Variants in TAF7L observed in about 807,000 individuals in gnomAD.
The protein encoded by TAF7L is TATA-box binding protein associated factor 7 like.
In TAF7L, 6 loss-of-function variants were observed where a neutral mutation model predicts 30.2. The observed-to-expected ratio is 0.20, with a 90% CI of 0.11 to 0.39. The LOEUF (loss-of-function observed/expected upper bound fraction) is 0.39, where lower values mean the gene tolerates loss of function less well. TAF7L is among the 10% of genes least tolerant of loss of function. The pLI, the probability that TAF7L is intolerant of heterozygous loss-of-function variation, is 1.00. For synonymous variants in TAF7L, 93 were observed against 94.5 expected (o/e 0.98, Z 0.09); for missense variants, 284 against 277.1 (o/e 1.03, Z -0.18).
At chrX:101,288,144 CTT>C (rs367794112) in intron 1 of TAF7L, among the ~76,000 whole-genome samples, 5 of 99,712 alleles carry the variant, frequency 5.0e-5, no homozygotes, top group African/African-American at 3.6e-5. Context: ...GAGTCCAGTT[CTT>C]TTTTTTTTTT....
rs192980404 is a variant in TAF7L, at chrX:101,276,011, G to T, written c.1015C>A (p.Leu339Met). Residue 339 changes from leucine (L) to methionine (M), a missense_variant, in exon 11 of 13, where the codon CTG (leucine) becomes ATG (methionine). By Grantham distance (15) the Leu-to-Met change is conservative. Coordinates refer to ENST00000356784, the MANE Select transcript of TAF7L (RefSeq NM_001168474.2). Reference sequence around the variant, plus strand: ...AGCCAAGAATTTACCTTGAGTGTCAGGTTTTCCACTTTCATGATGAGATCC... The same window carrying T: ...AGCCAAGAATTTACCTTGAGTGTCATGTTTTCCACTTTCATGATGAGATCC... ...QKDLIMKVEN[L>M]TLKNHFQSVL... 1 of 1,187,258 alleles carries T rather than the reference G, an allele frequency of 8.4e-7. No homozygotes were observed. Among genetic ancestry groups the T allele is most frequent in the East Asian group, 3.0e-5 (1 of 33,580 alleles).
At chrX:101,271,402 C>G (rs1236185726) in intron 12 of TAF7L, among the ~76,000 whole-genome samples, 1 of 112,020 alleles carries the variant, frequency 8.9e-6, no homozygotes, top group Non-Finnish European at 1.9e-5. Context: ...GTCTATCGTT[C>G]CTAGGTTACA....
intron 12 of TAF7L, among the ~76,000 whole-genome samples, chrX:101,270,533 AG>A (rs1309922832): frequency 9.0e-6 from 1 of 111,219 alleles, no homozygotes; most frequent in Non-Finnish European, 1.9e-5. Context: ...TAACTCAACT[AG>A]CCCCACAGCT....
chrX:101,278,782 T>C (rs779828419), intron 7 of TAF7L, among the ~76,000 whole-genome samples: 1 of 111,688 alleles, frequency 9.0e-6, no homozygotes, highest in South Asian at 3.7e-4. Context: ...ACTGGCCAAA[T>C]TGTATCTTTT....
intron 12 of TAF7L, among the ~76,000 whole-genome samples, chrX:101,269,973 A>C (rs1985293083): frequency 9.0e-6 from 1 of 111,489 alleles, no homozygotes; most frequent in African/African-American, 3.3e-5. Context: ...AACAGTTGGG[A>C]CACTCTCTTG....
chrX:101,283,734 G>T, intron 3 of TAF7L, 151 bp from the exon 4 acceptor site: 1 of 573,874 alleles, frequency 1.7e-6, no homozygotes, highest in Non-Finnish European at 2.6e-6. Context: ...ACAATTAATA[G>T]CTTCCTAAAG....
chrX:101,291,392 G>C (rs959707070), upstream of TAF7L: 5 of 501,105 alleles, frequency 1.0e-5, no homozygotes, highest in Non-Finnish European at 1.2e-5. Context: ...TCCCCGCCTC[G>C]CCACGCCTCC....
chrX:101,284,134 G>A (rs1232165045), intron 3 of TAF7L, among the ~76,000 whole-genome samples: 3 of 111,189 alleles, frequency 2.7e-5, no homozygotes, highest in African/African-American at 9.8e-5. Flanking sequence ...AGAGGATTCA[G>A]GTATAATCTT....
intron 12 of TAF7L, 126 bp from the exon 13 acceptor site, chrX:101,269,363 G>T: frequency 1.7e-6 from 1 of 579,335 alleles, no homozygotes; most frequent in Non-Finnish European, 2.8e-6. Flanking sequence ...GGTTATCTTA[G>T]TCTTGCAATG....
chrX:101,279,478 G>A (rs898541865), intron 6 of TAF7L, among the ~76,000 whole-genome samples: 3 of 110,497 alleles, frequency 2.7e-5, no homozygotes, highest in Non-Finnish European at 5.7e-5. Context: ...AAAATTAGCC[G>A]GGCATGGTGG....
intron 12 of TAF7L, among the ~76,000 whole-genome samples, chrX:101,274,407 A>G (rs778819735): frequency 4.4e-4 from 49 of 110,368 alleles, no homozygotes; most frequent in Non-Finnish European, 8.3e-4. Context: ...GCGTTTCACC[A>G]TGTTGCTCAG....
In TAF7L at chrX:101,276,081, C is replaced by T; in HGVS notation, c.945G>A (p.Lys315=). ...VMEIQKQIEK[K]EKKLHKIQNK... ...TCTGAATCTTATGGAGCTTTTTCTC[C>T]TTTTTCTCAATCTGCTTCTGAATTT... The change falls in exon 11 of 13, where the codon AAG becomes AAA. Residue 315 remains lysine (K), a synonymous_variant. Transcript: ENST00000356784. The T allele has an allele frequency of 8.3e-7, 1 of 1,204,637 alleles. No homozygotes were observed. The highest frequency in any genetic ancestry group is 1.1e-6 in the Non-Finnish European group (1 of 892,738).
chrX:101,282,206 G>A (rs1202672471), intron 5 of TAF7L, 121 bp downstream of exon 5: 29 of 965,943 alleles, frequency 3.0e-5, no homozygotes, highest in Non-Finnish European at 1.3e-5. Context: ...CTCTTAAAGA[G>A]TATCTGAGAA....
intron 3 of TAF7L, 145 bp from the exon 4 acceptor site, chrX:101,283,728 T>TTC: frequency 1.7e-6 from 1 of 602,841 alleles, no homozygotes; most frequent in Non-Finnish European, 2.5e-6. Context: ...GTGTACACAA[T>TTC]TAATAGCTTC....
intron 11 of TAF7L, 128 bp downstream of exon 11, chrX:101,275,872 G>A: frequency 2.2e-6 from 1 of 452,734 alleles, no homozygotes; most frequent in Non-Finnish European, 3.7e-6. Flanking sequence ...TTTATTAGGA[G>A]TTTCTAAGAG....
intron 3 of TAF7L, among the ~76,000 whole-genome samples, chrX:101,286,180 C>CAAAAAAA (rs1188025833): frequency 1.9e-4 from 9 of 46,289 alleles, no homozygotes; most frequent in Non-Finnish European, 2.4e-4. Context: ...GACTCCATCT[C>CAAAAAAA]AAAAAAAAAA....
At chrX:101,280,970 A>C (rs996404189) in intron 6 of TAF7L, among the ~76,000 whole-genome samples, 1 of 111,885 alleles carries the variant, frequency 8.9e-6, no homozygotes, top group African/African-American at 3.2e-5. Flanking sequence ...CTGGGGTGTG[A>C]GGTGGAAGGG....
In TAF7L at chrX:101,286,799, G is replaced by A. The variant is rs143386693; in HGVS notation, c.67-146C>T. 1.7e-3 allele frequency: 708 copies of A among 425,188 alleles called. 1 individual carries two copies. Among genetic ancestry groups the A allele is most frequent in the Middle Eastern group, 3.4e-3 (6 of 1,760 alleles). The allele number at this position is 425,188 out of a possible 1,213,427, so 35.0% of individuals were successfully genotyped here. ...ACAAGACCATGTACCATGAGATACT[G>A]TGCACTGTATAAGTCAAGTTAGGAT... On this transcript the variant is annotated intron_variant, in intron 2 of 12. Transcript: ENST00000356784.
At chrX:101,287,994 A>G (rs1158475330) in intron 1 of TAF7L, among the ~76,000 whole-genome samples, 1 of 112,003 alleles carries the variant, frequency 8.9e-6, no homozygotes, top group Non-Finnish European at 1.9e-5. Context: ...GATGATTTGA[A>G]GTAAACAAGG....
Sources: gnomAD v4.1 joint callset for allele counts (sites outside exome capture counted in the v4.1 genomes callset) on GRCh38, gnomAD v4.1.1 for gene constraint, MANE v1.5 for transcripts, NCBI Gene and HGNC (gene_info 2026-07-23, HGNC 2026-07-21) for gene names.